The following PLCXD3 variants were observed in gnomAD, a reference collection of about 807,000 sequenced individuals.
PLCXD3 encodes the protein PI-PLC X domain-containing protein 3.
In PLCXD3, 19 loss-of-function variants were observed where a neutral mutation model predicts 25.5. The observed-to-expected ratio is 0.75, with a 90% CI of 0.52 to 1.09. The LOEUF (loss-of-function observed/expected upper bound fraction) is 1.09. PLCXD3 is among the 50% of genes least tolerant of loss of function. The pLI is 0.00. For missense variants in PLCXD3, 411 were observed against 388.1 expected (o/e 1.06, Z -0.50); for synonymous variants, 174 against 137.6 (o/e 1.26, Z -1.85).
intron 2 of PLCXD3, among the ~76,000 whole-genome samples, chr5:41,376,788 T>C (rs761286179): frequency 9.2e-5 from 14 of 152,150 alleles, no homozygotes; most frequent in Non-Finnish European, 1.6e-4. Context: ...CACTTGATGC[T>C]TGATGGGAAC....
chr5:41,406,646 T>C (rs953251511), intron 1 of PLCXD3, among the ~76,000 whole-genome samples: 4 of 152,288 alleles, frequency 2.6e-5, no homozygotes, highest in Non-Finnish European at 2.9e-5. Context: ...TGTTTTGTTC[T>C]CTTCCATTCC....
In PLCXD3 at chr5:41,308,519, T is replaced by C. The variant is rs1743053536; in HGVS notation, c.*5098A>G. 6.6e-6 allele frequency: 1 copy of C among 152,084 alleles called. No homozygotes were observed. Among genetic ancestry groups the C allele is most frequent in the South Asian group, 2.1e-4 (1 of 4,818 alleles). 9.4% of individuals were successfully genotyped at this position (152,084 alleles called of 1,614,324 possible). Reference sequence around the variant, plus strand: ...TTTTTGCTTCAAGCATGACCACATGTGTAGATCCTTGTCAGTCATGAGTTT... The same window carrying C: ...TTTTTGCTTCAAGCATGACCACATGCGTAGATCCTTGTCAGTCATGAGTTT... On this transcript the variant is annotated 3_prime_UTR_variant, in exon 3 of 3. Coordinates refer to ENST00000377801, the MANE Select transcript of PLCXD3 (RefSeq NM_001005473.3).
intron 1 of PLCXD3, among the ~76,000 whole-genome samples, chr5:41,457,704 A>G (rs1747783554): frequency 6.6e-6 from 1 of 151,826 alleles, no homozygotes; most frequent in Non-Finnish European, 1.5e-5. Flanking sequence ...TTGTTTTGAA[A>G]CTTTCCCATG....
chr5:41,374,476 T>C (rs1003212174), intron 2 of PLCXD3, among the ~76,000 whole-genome samples: 1 of 152,094 alleles, frequency 6.6e-6, no homozygotes, highest in Non-Finnish European at 1.5e-5. Flanking sequence ...CATTCTGACC[T>C]TCAGTTTCTT....
intron 1 of PLCXD3, among the ~76,000 whole-genome samples, chr5:41,425,948 T>G (rs1409595583): frequency 2.0e-5 from 3 of 152,220 alleles, no homozygotes; most frequent in African/African-American, 4.8e-5. Context: ...ACATAAGTTT[T>G]CAATATCTTT....
In PLCXD3 at chr5:41,490,127, G is replaced by C. The variant is rs867632878; in HGVS notation, c.103+20297C>G. Among the ~76,000 whole-genome samples the C allele has an allele frequency of 1.8e-3, 280 of 152,250 alleles. 3 individuals carry two copies. In the Middle Eastern group the frequency reaches 0.041, roughly 22 times the overall value. ...ATGTCCCATCAATACCTAATTTATT[G>C]AGAGTTTTTAGCATGAAGTGTTGTT... On this transcript the variant is annotated intron_variant, in intron 1 of 2. Coordinates refer to ENST00000377801, the MANE Select transcript of PLCXD3 (RefSeq NM_001005473.3).
intron 1 of PLCXD3, among the ~76,000 whole-genome samples, chr5:41,396,757 A>T (rs529570416): frequency 6.6e-6 from 1 of 152,336 alleles, no homozygotes; most frequent in East Asian, 1.9e-4. Flanking sequence ...TCAGATGGAG[A>T]TGAGGAACTT....
chr5:41,486,053 G>A (rs1748510670), intron 1 of PLCXD3, among the ~76,000 whole-genome samples: 1 of 152,112 alleles, frequency 6.6e-6, no homozygotes, highest in Admixed American at 6.6e-5. Flanking sequence ...AGCCTGGGCA[G>A]GAAGAATTCC....
chr5:41,372,056 TC>T (rs1745110106), intron 2 of PLCXD3, among the ~76,000 whole-genome samples: 1 of 152,094 alleles, frequency 6.6e-6, no homozygotes. Flanking sequence ...GCCTAGATAC[TC>T]CATCCTTATT....
intron 2 of PLCXD3, among the ~76,000 whole-genome samples, chr5:41,373,095 G>A (rs758156478): frequency 6.6e-6 from 1 of 152,004 alleles, no homozygotes; most frequent in Non-Finnish European, 1.5e-5. Flanking sequence ...TGGGATGTGA[G>A]ATTGGACATG....
chr5:41,492,020 T>C (rs952328897), intron 1 of PLCXD3, among the ~76,000 whole-genome samples: 1 of 152,268 alleles, frequency 6.6e-6, no homozygotes, highest in Non-Finnish European at 1.5e-5. Flanking sequence ...ATGCACTTTC[T>C]TCCTAGCCTC....
intron 1 of PLCXD3, among the ~76,000 whole-genome samples, chr5:41,468,334 G>C (rs1159948410): frequency 6.6e-6 from 1 of 151,916 alleles, no homozygotes; most frequent in Admixed American, 6.6e-5. Context: ...TGTTCTTTTT[G>C]CTTAAGATTG....
At chr5:41,352,706 A>T (rs890377715) in intron 2 of PLCXD3, among the ~76,000 whole-genome samples, 1 of 152,202 alleles carries the variant, frequency 6.6e-6, no homozygotes, top group Non-Finnish European at 1.5e-5. Flanking sequence ...TACACATCTG[A>T]AGAATTCTTA....
chr5:41,338,306 A>T, intron 2 of PLCXD3, among the ~76,000 whole-genome samples: 1 of 152,060 alleles, frequency 6.6e-6, no homozygotes, highest in Non-Finnish European at 1.5e-5. Flanking sequence ...CACAATACAC[A>T]TAATAGCATA....
At chr5:41,394,199 T>C (rs1004548898) in intron 1 of PLCXD3, among the ~76,000 whole-genome samples, 2 of 152,178 alleles carry the variant, frequency 1.3e-5, no homozygotes, top group African/African-American at 4.8e-5. Flanking sequence ...TGTTTGTTTA[T>C]GTAAATTGTA....
chr5:41,436,839 C>T (rs1332461395), intron 1 of PLCXD3, among the ~76,000 whole-genome samples: 1 of 152,176 alleles, frequency 6.6e-6, no homozygotes, highest in East Asian at 1.9e-4. Flanking sequence ...AATAATTTAT[C>T]TATAGAATTC....
rs866572335 is a variant in PLCXD3, at chr5:41,475,785, T to C, written c.103+34639A>G. The C allele has an allele frequency of 5.5e-5, 29 of 526,486 alleles. 1 individual carries two copies. The Middle Eastern group carries it at 9.0e-3, about 164-fold the overall frequency. 32.6% of individuals were successfully genotyped at this position (526,486 alleles called of 1,614,324 possible). A position where few individuals can be genotyped will look rare whatever the true frequency, so the allele number is the denominator to read the frequency against. ...ACCATCATTACAGCAGTTACTGCTG[T>C]TACTACTTGAGACCATCATTATGAG... is the stretch of plus-strand genomic sequence containing the variant. On this transcript the variant is annotated intron_variant, in intron 1 of 2. Transcript: ENST00000377801.
At position 41,332,796 on chromosome 5, in the gene PLCXD3, G is replaced by T. The variant is rs11951021; in HGVS notation, c.813-19026C>A. On this transcript the variant is annotated intron_variant, in intron 2 of 2. Coordinates refer to ENST00000377801, the MANE Select transcript of PLCXD3 (RefSeq NM_001005473.3). ...ATGATGAGTTCATGTCCTTTGTAGG[G>T]ACATGGATGAAATTGGAAATCATCA... Among the ~76,000 whole-genome samples the T allele has an allele frequency of 4.6e-3, 699 of 152,176 alleles. 9 individuals carry two copies. Among genetic ancestry groups the T allele is most frequent in the African/African-American group, 0.016 (664 of 41,514 alleles).
intron 1 of PLCXD3, among the ~76,000 whole-genome samples, chr5:41,471,955 C>T (rs1310249708): frequency 2.0e-5 from 2 of 99,360 alleles, no homozygotes; most frequent in Non-Finnish European, 4.1e-5. Context: ...CCCTTCCCTT[C>T]CCTTCCCTTC....
Sources: gnomAD v4.1 joint callset for allele counts (sites outside exome capture counted in the v4.1 genomes callset) on GRCh38, gnomAD v4.1.1 for gene constraint, MANE v1.5 for transcripts, NCBI Gene and HGNC (gene_info 2026-07-23, HGNC 2026-07-21) for gene names.